Variants in GTPBP2 observed in about 807,000 individuals in gnomAD.
The protein encoded by GTPBP2 is GTP-binding protein 2.
In GTPBP2, 32 loss-of-function variants were observed where a neutral mutation model predicts 63.0. The ratio of observed to expected loss-of-function variants is 0.51; its 90% CI spans 0.38 to 0.68. GTPBP2 has a LOEUF of 0.68. Ranked by LOEUF, GTPBP2 falls within the 30% of genes least tolerant of loss-of-function variation. The probability of loss-of-function intolerance (pLI) is 0.00; values close to 1 mark genes in which losing one functional copy is unlikely to be tolerated. For missense variants in GTPBP2, 492 were observed against 796.9 expected, an observed-to-expected ratio of 0.62 and a Z score of 4.61; for synonymous variants, 310 against 322.6, an observed-to-expected ratio of 0.96 and a Z score of 0.42.
At chr6:43,627,259 C>A in intron 1 of GTPBP2, 1 of 1,139,106 alleles carries the variant, frequency 8.8e-7, no homozygotes, top group South Asian at 3.9e-5. Flanking sequence ...CCCTTCCTCC[C>A]CACCTCCAGG....
chr6:43,628,677 G>T, intron 1 of GTPBP2: 1 of 738,046 alleles, frequency 1.4e-6, no homozygotes. Context: ...GGCACACGCA[G>T]TTGGTCGGGG....
intron 1 of GTPBP2, 67 bp from the exon 2 acceptor site, chr6:43,627,015 C>T: frequency 1.4e-6 from 2 of 1,389,422 alleles, no homozygotes; most frequent in Non-Finnish European, 2.0e-6. Context: ...CCTCAATTCC[C>T]ACTGGGTCCA....
rs894472254 is a variant in GTPBP2, at chr6:43,629,222, C to G, written c.-60G>C. ...CCCCGACCGCCGCCGCCGTCGCCGC[C>G]GCCCTTACTGCCACTGCCGTGTCCG... On this transcript the variant is annotated 5_prime_UTR_variant, in exon 1 of 12. Transcript: ENST00000307126. 4 of 1,192,374 alleles carry G rather than the reference C, an allele frequency of 3.4e-6. No individual in the cohort carries two copies. Among genetic ancestry groups the G allele is most frequent in the Non-Finnish European group, 4.3e-6 (4 of 925,124 alleles). The allele number at this position is 1,192,374 out of a possible 1,614,324, so 73.9% of individuals were successfully genotyped here. A position where few individuals can be genotyped will look rare whatever the true frequency, so the allele number is the denominator to read the frequency against.
In GTPBP2 at chr6:43,621,067, G is replaced by A. The variant is rs113493779; in HGVS notation, c.*547C>T. The A allele has an allele frequency of 3.7e-6, 1 of 271,016 alleles. No homozygotes were observed. Among genetic ancestry groups the A allele is most frequent in the Non-Finnish European group, 7.4e-6 (1 of 135,482 alleles). The allele number at this position is 271,016 out of a possible 1,614,324, so 16.8% of individuals were successfully genotyped here. A position where few individuals can be genotyped will look rare whatever the true frequency, so the allele number is the denominator to read the frequency against. ...GAGGCCTCAGGCCTCAGCACAGGGT[G>A]GCAACACTACCATTCACTGTCCCTG... is the stretch of plus-strand genomic sequence containing the variant. On this transcript the variant is annotated 3_prime_UTR_variant, in exon 12 of 12. Coordinates refer to ENST00000307126, the MANE Select transcript of GTPBP2 (RefSeq NM_019096.5).
rs1769226322 is a variant in GTPBP2 at position 43,625,460 on chromosome 6, C to G, written c.608G>C (p.Arg203Pro). 6.2e-7 allele frequency: 1 copy of G among 1,613,906 alleles called. No individual in the cohort carries two copies. Among genetic ancestry groups the G allele is most frequent in the Non-Finnish European group, 8.5e-7 (1 of 1,179,954 alleles). The change falls in exon 5 of 12, where the codon CGG (arginine) becomes CCG (proline). Residue 203 changes from arginine to proline, a missense_variant. By Grantham distance (103) the Arg-to-Pro change is moderately radical (BLOSUM62 -2). This residue lies in a region of GTPBP2 where 400 missense variants were observed against 710.8 expected (regional missense o/e 0.56). Coordinates refer to ENST00000307126, the MANE Select transcript of GTPBP2 (RefSeq NM_019096.5). The surrounding 1 kb of genome is among the most constrained non-coding windows in gnomAD (Gnocchi z 5.1). The stretch of plus-strand genomic sequence containing the variant: ...GTGGCGGAAAAGGTTGAGCCGAGCC[C>G]GGCCCCGCCCATTGTCCAGCTCTCC... ...TQGELDNGRG[R>P]ARLNLFRHLH...
intron 1 of GTPBP2, among the ~76,000 whole-genome samples, chr6:43,628,235 G>A (rs909780707): frequency 2.6e-5 from 4 of 152,020 alleles, no homozygotes; most frequent in African/African-American, 9.7e-5. Context: ...GTGGTGGCGG[G>A]CACCTGTAAT....
Position 43,621,259 on chromosome 6 carries a change from C to T in GTPBP2, c.*355G>A. 2.2e-6 allele frequency: 1 copy of T among 463,756 alleles called. No homozygotes were observed. Among genetic ancestry groups the T allele is most frequent in the Non-Finnish European group, 4.1e-6 (1 of 246,562 alleles). The allele number at this position is 463,756 out of a possible 1,614,324, so 28.7% of individuals were successfully genotyped here. A position where few individuals can be genotyped will look rare whatever the true frequency, so the allele number is the denominator to read the frequency against. On this transcript the variant is annotated 3_prime_UTR_variant, in exon 12 of 12. Coordinates refer to ENST00000307126, the MANE Select transcript of GTPBP2 (RefSeq NM_019096.5). The stretch of plus-strand genomic sequence containing the variant: ...CCCTGTTGTGACCATTCCTGAAGTG[C>T]AGAGACCACACCAGCAAAACATGCC...
chr6:43,629,721 G>C (rs1480070087), upstream of GTPBP2: 1 of 1,550,998 alleles, frequency 6.4e-7, no homozygotes, highest in East Asian at 2.4e-5. Flanking sequence ...CAGCCTGCTG[G>C]CTCCGCCTCT....
intron 1 of GTPBP2, chr6:43,627,173 T>C (rs1229619835): frequency 2.7e-6 from 2 of 732,554 alleles, no homozygotes; most frequent in Admixed American, 4.1e-5. Context: ...AGTCACCCAT[T>C]TAAGCCAGGA....
At chr6:43,628,952 G>A (rs780383624) in intron 1 of GTPBP2, 25 bp downstream of exon 1, 11 of 1,609,132 alleles carry the variant, frequency 6.8e-6, no homozygotes, top group Non-Finnish European at 9.4e-6. Flanking sequence ...GCTTCTTCCC[G>A]CCCTACCACT....
Position 43,624,699 on chromosome 6 carries a change from G to GCCAGCC in GTPBP2, c.905_910dup (p.Gly302_Leu303dup). On this transcript the variant is annotated inframe_insertion, in exon 7 of 12. Coordinates refer to ENST00000307126, the MANE Select transcript of GTPBP2 (RefSeq NM_019096.5). This position sits in a 1 kb window ranked among gnomAD's most constrained non-coding sequence, Gnocchi z 5.1. ...GAAGAAGGGCACTTTCAGGGCCAGG[G>GCCAGCC]CCAGCCCCAGATGTTCCCTTGTGGT... is the stretch of plus-strand genomic sequence containing the variant. 1.9e-6 allele frequency: 3 copies of GCCAGCC among 1,614,036 alleles called. No individual in the cohort carries two copies. The highest frequency in any genetic ancestry group is 1.7e-6 in the Non-Finnish European group (2 of 1,180,012).
At chr6:43,628,470 CTGTGTGTGTGTG>C (rs60906505) in intron 1 of GTPBP2, 29 of 432,920 alleles carry the variant, frequency 6.7e-5, no homozygotes, top group African/African-American at 1.8e-4. Flanking sequence ...CTGGCTTAGG[CTGTGTGTGTGTG>C]TGTGTGTGTG....
Position 43,621,053 on chromosome 6 carries a change from C to T in GTPBP2, c.*561G>A. On this transcript the variant is annotated 3_prime_UTR_variant, in exon 12 of 12. Coordinates refer to ENST00000307126, the MANE Select transcript of GTPBP2 (RefSeq NM_019096.5). ...ATAAAGCTGAGGAAGAGGCCTCAGG[C>T]CTCAGCACAGGGTGGCAACACTACC... 1 of 238,708 alleles carries T rather than the reference C, an allele frequency of 4.2e-6. No homozygotes were observed. The highest frequency in any genetic ancestry group is 8.5e-6 in the Non-Finnish European group (1 of 117,862). 14.8% of individuals were successfully genotyped at this position (238,708 alleles called of 1,614,324 possible). A position where few individuals can be genotyped will look rare whatever the true frequency, so the allele number is the denominator to read the frequency against.
chr6:43,628,838 G>C lies in GTPBP2; in HGVS notation c.186+139C>G, dbSNP rs758925796. ...CTCCCTGGGGTCCCGGGACCTGAAA[G>C]AGGTGTTCTCCTCCCGTGCCCCTCC... On this transcript the variant is annotated intron_variant, in intron 1 of 11. Transcript: ENST00000307126. 3 of 956,536 alleles carry C rather than the reference G, an allele frequency of 3.1e-6. No individual in the cohort carries two copies. In the South Asian group the frequency reaches 3.9e-5, roughly 12 times the overall value. The allele number at this position is 956,536 out of a possible 1,614,324, so 59.3% of individuals were successfully genotyped here.
In GTPBP2 at chr6:43,624,395, C is replaced by T; in HGVS notation, c.1100+115G>A. On this transcript the variant is annotated intron_variant, in intron 7 of 11. Transcript: ENST00000307126. This position sits in a 1 kb window ranked among gnomAD's most constrained non-coding sequence, Gnocchi z 5.1. ...CCACAATCCCAAGCTGAAACACCCG[C>T]AGAACTAAGCCAGAACTGGTCTGGC... The T allele has an allele frequency of 1.3e-6, 1 of 795,664 alleles. No homozygotes were observed. Among genetic ancestry groups the T allele is most frequent in the Non-Finnish European group, 2.1e-6 (1 of 484,388 alleles). The allele number at this position is 795,664 out of a possible 1,614,324, so 49.3% of individuals were successfully genotyped here.
At chr6:43,631,156 A>G (rs1489257776), upstream of GTPBP2, among the ~76,000 whole-genome samples, 2 of 152,188 alleles carry the variant, frequency 1.3e-5, no homozygotes, top group African/African-American at 4.8e-5. Context: ...CAAAATCTGC[A>G]AAAGGGCCTA....
In GTPBP2 at chr6:43,626,837, AAAAG is replaced by A. The variant is rs201280848; in HGVS notation, c.213+81_213+84del. 5.7e-3 allele frequency: 6,560 copies of A among 1,141,542 alleles called. 12 individuals are homozygous for A. Among genetic ancestry groups the A allele is most frequent in the Non-Finnish European group, 7.1e-3 (5,550 of 784,272 alleles). 70.7% of individuals were successfully genotyped at this position (1,141,542 alleles called of 1,614,324 possible). ...GAGCAAAACTTCATCTCAAAAAAAAAAAAGAAAGAAAGAAAAAAGAAATTATCCC... is the reference window on the plus strand; with the variant it reads ...GAGCAAAACTTCATCTCAAAAAAAAAAAAGAAAGAAAAAAGAAATTATCCC... On this transcript the variant is annotated intron_variant, in intron 2 of 11. Coordinates refer to ENST00000307126, the MANE Select transcript of GTPBP2 (RefSeq NM_019096.5). This position sits in a 1 kb window ranked among gnomAD's most constrained non-coding sequence, Gnocchi z 4.0.
In GTPBP2 at chr6:43,622,825, G is replaced by T; in HGVS notation, c.1296-21C>A. On this transcript the variant is annotated intron_variant, in intron 9 of 11. Coordinates refer to ENST00000307126, the MANE Select transcript of GTPBP2 (RefSeq NM_019096.5). The surrounding 1 kb of genome is among the most constrained non-coding windows in gnomAD (Gnocchi z 5.4). ...TCCCACTGCAGCCCAGAGGGCAGGT[G>T]GCACAGTGTCAGCCAAGGTCCCCAT... The T allele has an allele frequency of 6.3e-7, 1 of 1,596,990 alleles. No individual in the cohort carries two copies. The highest frequency in any genetic ancestry group is 2.3e-5 in the East Asian group (1 of 44,168).
chr6:43,621,627 T>G lies in GTPBP2; in HGVS notation c.1796A>C (p.Asn599Thr), dbSNP rs2127832265. The change falls in exon 12 of 12, where the codon AAC (asparagine) becomes ACC (threonine). Residue 599 changes from asparagine to threonine, a missense_variant. Asn to Thr is a moderately conservative substitution (Grantham distance 65, BLOSUM62 0). Transcript: ENST00000307126. Reference sequence around the variant, plus strand: ...TGCCTGAAGGGTTCAGAAGCCCATGTTGGCCTGGGCTTCTCCTGCTGTAAT... The same window carrying G: ...TGCCTGAAGGGTTCAGAAGCCCATGGTGGCCTGGGCTTCTCCTGCTGTAAT... Reference protein sequence around the residue: ...QAITAGEAQANMGF With the variant: ...QAITAGEAQATMGF 6.2e-7 allele frequency: 1 copy of G among 1,614,012 alleles called. No homozygotes were observed. The highest frequency in any genetic ancestry group is 8.5e-7 in the Non-Finnish European group (1 of 1,179,822).
Sources: gnomAD v4.1 joint callset for allele counts (sites outside exome capture counted in the v4.1 genomes callset) on GRCh38, gnomAD v4.1.1 for gene constraint, gnomAD v4.1.1 regional missense constraint, Gnocchi (gnomAD v3.1) non-coding constraint, MANE v1.5 for transcripts, NCBI Gene and HGNC (gene_info 2026-07-23, HGNC 2026-07-21) for gene names.